The following PLXNB2 variants were observed in gnomAD, a reference collection of about 807,000 sequenced individuals.
PLXNB2 encodes plexin-B2.
In PLXNB2, 85 loss-of-function variants were observed where a neutral mutation model predicts 202.6. That is an observed-to-expected ratio of 0.42 (90% CI 0.35 to 0.50). PLXNB2 has a LOEUF of 0.50. Among genes scored for constraint, PLXNB2 ranks in the 20% least tolerant of loss-of-function variants. The probability of loss-of-function intolerance (pLI) is 0.02; values close to 1 mark genes in which losing one functional copy is unlikely to be tolerated. For missense variants in PLXNB2, 2,063 were observed against 2,586.2 expected, an observed-to-expected ratio of 0.80 and a Z score of 4.39; for synonymous variants, 1,239 against 1,137.6, an observed-to-expected ratio of 1.09 and a Z score of -1.79.
chr22:50,277,639 C>T lies in PLXNB2; in HGVS notation c.5148G>A (p.Ala1716=), dbSNP rs11547732. 0.016 allele frequency: 25,089 copies of T among 1,607,572 alleles called. 3,294 individuals are homozygous for T. In the African/African-American group the frequency reaches 0.29, roughly 19 times the overall value. The change falls in exon 33 of 37, where the codon GCG becomes GCA. Residue 1716 remains alanine, a synonymous_variant. Transcript: ENST00000359337. The stretch of plus-strand genomic sequence containing the variant: ...GCGTGCAGGCATCCATGAAGGTCTG[C>T]GCGATGACTGACAGCGAGGCGTCCA... The part of the protein sequence containing the change: ...EVVDASLSVI[A]QTFMDACTRT...
chr22:50,295,433 T>C (rs2067191887), intron 1 of PLXNB2, among the ~76,000 whole-genome samples: 2 of 152,124 alleles, frequency 1.3e-5, no homozygotes, highest in Admixed American at 1.3e-4. Context: ...TCTCCATCTG[T>C]GGAATGGAGA....
Position 50,276,856 on chromosome 22 carries a change from C to T in PLXNB2, c.5247G>A (p.Lys1749=). The change falls in exon 34 of 37, where the codon AAG becomes AAA. Residue 1749 remains lysine, a synonymous_variant. Transcript: ENST00000359337. The part of the protein sequence containing the change: ...LLYAKEISTY[K]KMVEDYYKGI... ...GGCAGACTTACTCCTCCACCATCTT[C>T]TTGTAGGTGGAGATCTCCTTGGCGT... is the stretch of plus-strand genomic sequence containing the variant. 6.2e-7 allele frequency: 1 copy of T among 1,606,938 alleles called. No homozygotes were observed. Among genetic ancestry groups the T allele is most frequent in the South Asian group, 1.1e-5 (1 of 90,376 alleles).
chr22:50,279,605 G>T (rs2065848668), intron 27 of PLXNB2, 25 bp downstream of exon 27: 4 of 1,611,290 alleles, frequency 2.5e-6, no homozygotes, highest in Non-Finnish European at 3.4e-6. Context: ...AGGCGCCCAT[G>T]GCGGCCCCCA....
Position 50,276,896 on chromosome 22 carries a change from C to T in PLXNB2, c.5207G>A (p.Ser1736Asn), listed in dbSNP as rs1158354478. 6.3e-7 allele frequency: 1 copy of T among 1,599,258 alleles called. No individual in the cohort carries two copies. The highest frequency in any genetic ancestry group is 8.5e-7 in the Non-Finnish European group (1 of 1,172,778). ...CTCCTTGGCGTACAGCAGCTTGTTG[C>T]TGGGAGAATCCTGTTGGGGACAAAA... ...TEHKLSRDSP[S>N]NKLLYAKEIS... The change falls in exon 34 of 37, where the codon AGC becomes AAC. Residue 1736 changes from serine to asparagine, a missense_variant. Coordinates refer to ENST00000359337, the MANE Select transcript of PLXNB2 (RefSeq NM_012401.4).
rs370225797 is a variant in PLXNB2, at chr22:50,289,056, C to T, written c.1155G>A (p.Leu385=). The change falls in exon 4 of 37, where the codon CTG becomes CTA. Residue 385 remains leucine, a synonymous_variant. Coordinates refer to ENST00000359337, the MANE Select transcript of PLXNB2 (RefSeq NM_012401.4). The surrounding 1 kb of genome is among the most constrained non-coding windows in gnomAD (Gnocchi z 8.0). ...CCGTGAGGTTCAGGCCTCCACGCTG[C>T]AGCACGGCTGTGCCTCTGAGCCCGT... ...SRDGLRGTAV[L]QRGGLNLTAV... is the part of the protein sequence containing the mutation. The T allele has an allele frequency of 1.0e-4, 160 of 1,607,800 alleles. No homozygotes were observed. The African/African-American group carries it at 1.9e-3, about 19-fold the overall frequency.
Position 50,280,979 on chromosome 22 carries a change from G to A in PLXNB2, c.3764-6C>T, listed in dbSNP as rs1398754273. On this transcript the variant is annotated splice_polypyrimidine_tract_variant and splice_region_variant and intron_variant, in intron 23 of 36. Coordinates refer to ENST00000359337, the MANE Select transcript of PLXNB2 (RefSeq NM_012401.4). ...CTCCATCTCGATCATCAGGTCTGGG[G>A]GGAGGCTGGCGTGAGACGTCCCTGG... is the stretch of plus-strand genomic sequence containing the variant. The A allele has an allele frequency of 1.9e-6, 3 of 1,612,212 alleles. No homozygotes were observed. The highest frequency in any genetic ancestry group is 1.7e-5 in the Admixed American group (1 of 59,996).
In PLXNB2 at chr22:50,280,983, G is replaced by A. The variant is rs778358898; in HGVS notation, c.3764-10C>T. ...ATCTCGATCATCAGGTCTGGGGGGA[G>A]GCTGGCGTGAGACGTCCCTGGCCAC... On this transcript the variant is annotated splice_polypyrimidine_tract_variant and intron_variant, in intron 23 of 36. Coordinates refer to ENST00000359337, the MANE Select transcript of PLXNB2 (RefSeq NM_012401.4). 5 of 1,611,860 alleles carry A rather than the reference G, an allele frequency of 3.1e-6. No individual in the cohort carries two copies. Among genetic ancestry groups the A allele is most frequent in the Admixed American group, 3.3e-5 (2 of 60,006 alleles).
rs1475828872 is a variant in PLXNB2 at position 50,290,343 on chromosome 22, G to C, written c.242C>G (p.Pro81Arg). ...PALDNKKCTP[P>R]IEASQCHEAE... ...CTCATGGCACTGGCTGGCCTCGATG[G>C]GCGGCGTGCACTTCTTGTTGTCCAG... Residue 81 changes from proline to arginine, a missense_variant, in exon 3 of 37, where the codon CCC becomes CGC. Around this residue, in one of 2 missense-constraint regions of PLXNB2, gnomAD observed 1,303 missense variants for 1,476.8 expected, o/e 0.88. Transcript: ENST00000359337. 6.2e-7 allele frequency: 1 copy of C among 1,612,530 alleles called. No individual in the cohort carries two copies. The highest frequency in any genetic ancestry group is 1.1e-5 in the South Asian group (1 of 91,080).
In PLXNB2 at chr22:50,288,067, C is replaced by A. The variant is rs1028208026; in HGVS notation, c.1381-30G>T. 1 of 1,510,850 alleles carries A rather than the reference C, an allele frequency of 6.6e-7. No homozygotes were observed. 93.6% of individuals were successfully genotyped at this position (1,510,850 alleles called of 1,614,324 possible). ...GGCAGCGGGGCCGTGAGTGGGACCA[C>A]AGCAGAGGCCGCACGGGCCTTCCGC... On this transcript the variant is annotated intron_variant, in intron 5 of 36. Coordinates refer to ENST00000359337, the MANE Select transcript of PLXNB2 (RefSeq NM_012401.4). The surrounding 1 kb of genome is among the most constrained non-coding windows in gnomAD (Gnocchi z 5.0).
At chr22:50,307,336 G>C (rs1033402693) in intron 1 of PLXNB2, among the ~76,000 whole-genome samples, 1 of 148,942 alleles carries the variant, frequency 6.7e-6, no homozygotes, top group African/African-American at 2.5e-5. Flanking sequence ...CCCGTCCCCC[G>C]AGTCAACACC....
At chr22:50,298,575 C>T (rs377110520) in intron 1 of PLXNB2, among the ~76,000 whole-genome samples, 1 of 152,212 alleles carries the variant, frequency 6.6e-6, no homozygotes, top group Non-Finnish European at 1.5e-5. Context: ...GGCTGCACTG[C>T]GGGGTGGTTC....
rs369679179 is a variant in PLXNB2 at position 50,281,233 on chromosome 22, G to C, written c.3663-44C>G. 17 of 1,569,940 alleles carry C rather than the reference G, an allele frequency of 1.1e-5. No individual in the cohort carries two copies. The Admixed American group carries it at 2.8e-4, about 26-fold the overall frequency. On this transcript the variant is annotated intron_variant, in intron 22 of 36. Transcript: ENST00000359337. Reference sequence around the variant, plus strand: ...CTCCTAGGTTCTGCCGGGGCTGGCCGCTCAGCTGCCCGGATGAGGAGGTGG... The same window carrying C: ...CTCCTAGGTTCTGCCGGGGCTGGCCCCTCAGCTGCCCGGATGAGGAGGTGG...
Position 50,277,621 on chromosome 22 carries a change from G to A in PLXNB2, c.5166C>T (p.Ala1722=), listed in dbSNP as rs774943222. 27 of 1,599,416 alleles carry A rather than the reference G, an allele frequency of 1.7e-5. No individual in the cohort carries two copies. In the East Asian group the frequency reaches 1.8e-4, roughly 11 times the overall value. The change falls in exon 33 of 37, where the codon GCC becomes GCT. Residue 1722 remains alanine, a synonymous_variant. Coordinates refer to ENST00000359337, the MANE Select transcript of PLXNB2 (RefSeq NM_012401.4). ...TCAGCTTATGCTCCGTGCGCGTGCA[G>A]GCATCCATGAAGGTCTGCGCGATGA... ...LSVIAQTFMD[A]CTRTEHKLSR... is the part of the protein sequence containing the mutation.
In PLXNB2 at chr22:50,284,525, C is replaced by T. The variant is rs527422069; in HGVS notation, c.2181+48G>A. On this transcript the variant is annotated intron_variant, in intron 12 of 36. Transcript: ENST00000359337. The surrounding 1 kb of genome is among the most constrained non-coding windows in gnomAD (Gnocchi z 8.0). The stretch of plus-strand genomic sequence containing the variant: ...CCTGAAGGTGACCCCCCACCCCACC[C>T]GGGGCCCTGGGGTCCAGCAGCCGAG... 218 of 1,432,700 alleles carry T rather than the reference C, an allele frequency of 1.5e-4. 1 individual carries two copies. The South Asian group carries it at 2.3e-3, about 15-fold the overall frequency. The allele number at this position is 1,432,700 out of a possible 1,614,324, so 88.7% of individuals were successfully genotyped here.
At chr22:50,277,452 G>A (rs1016541627) in intron 33 of PLXNB2, 139 bp downstream of exon 33, 18 of 859,646 alleles carry the variant, frequency 2.1e-5, no homozygotes, top group African/African-American at 2.1e-4. Context: ...CCCAGCCTCC[G>A]CCACCCGTCA....
Position 50,288,275 on chromosome 22 carries a change from C to T in PLXNB2, c.1381-238G>A, listed in dbSNP as rs948253696. Among the ~76,000 whole-genome samples the T allele has an allele frequency of 2.0e-5, 3 of 152,088 alleles. No homozygotes were observed. The highest frequency in any genetic ancestry group is 7.2e-5 in the African/African-American group (3 of 41,408). Reference sequence around the variant, plus strand: ...GGCTATGGTGTCTCCCGGGGCAGCTCCTGTCCTCTACACTGGCTCCCTCCG... The same window carrying T: ...GGCTATGGTGTCTCCCGGGGCAGCTTCTGTCCTCTACACTGGCTCCCTCCG... On this transcript the variant is annotated intron_variant, in intron 5 of 36. Coordinates refer to ENST00000359337, the MANE Select transcript of PLXNB2 (RefSeq NM_012401.4). This position sits in a 1 kb window ranked among gnomAD's most constrained non-coding sequence, Gnocchi z 5.0.
rs951205378 is a variant in PLXNB2 at position 50,275,519 on chromosome 22, C to A, written c.*185G>T. On this transcript the variant is annotated 3_prime_UTR_variant, in exon 37 of 37. Transcript: ENST00000359337. ...GGGCTGGTGCTGGTGCGGTGCCCGG[C>A]GGTATTGCTCAGAGGAAGATGCTAC... 3.0e-6 allele frequency: 2 copies of A among 666,556 alleles called. No individual in the cohort carries two copies. Among genetic ancestry groups the A allele is most frequent in the South Asian group, 3.1e-5 (2 of 63,858 alleles). The allele number at this position is 666,556 out of a possible 1,614,324, so 41.3% of individuals were successfully genotyped here.
At chr22:50,298,940 C>T (rs746173446) in intron 1 of PLXNB2, among the ~76,000 whole-genome samples, 2 of 152,248 alleles carry the variant, frequency 1.3e-5, no homozygotes, top group Non-Finnish European at 2.9e-5. Flanking sequence ...GCCACCACAC[C>T]CAGCCAGACT....
At chr22:50,306,331 T>C (rs1031531899) in intron 1 of PLXNB2, among the ~76,000 whole-genome samples, 1 of 152,306 alleles carries the variant, frequency 6.6e-6, no homozygotes, top group East Asian at 1.9e-4. Flanking sequence ...TGGGGATTTC[T>C]ATGCAACATG....
Sources: allele counts gnomAD v4.1 joint callset (sites outside exome capture counted in the v4.1 genomes callset), GRCh38; gene constraint gnomAD v4.1.1; regional missense constraint gnomAD v4.1.1; non-coding constraint Gnocchi (gnomAD v3.1); transcripts MANE v1.5; gene names NCBI Gene and HGNC (gene_info 2026-07-23, HGNC 2026-07-21).